The following GAB3 variants were observed in gnomAD, a reference collection of about 807,000 sequenced individuals.
GAB3 encodes GRB2-associated-binding protein 3.
A neutral mutation model predicts 40.4 loss-of-function variants in GAB3; 12 were observed. The ratio of observed to expected loss-of-function variants is 0.30; its 90% confidence interval spans 0.19 to 0.48. The LOEUF (loss-of-function observed/expected upper bound fraction) is 0.48. GAB3 is among the 20% of genes least tolerant of loss of function. The pLI is 0.99. For missense variants in GAB3, 381 were observed against 461.9 expected (o/e 0.82, Z 1.61); for synonymous variants, 154 against 176.7 (o/e 0.87, Z 1.02).
chrX:154,679,123 C>T, intron 9 of GAB3: 1 of 336,362 alleles, frequency 3.0e-6, no homozygotes, highest in South Asian at 2.6e-5. Flanking sequence ...TGCCACTGCA[C>T]TCCAGCCTGA....
At chrX:154,739,030 C>T (rs782009960) in intron 1 of GAB3, among the ~76,000 whole-genome samples, 5 of 111,953 alleles carry the variant, frequency 4.5e-5, no homozygotes, top group East Asian at 2.8e-4. Flanking sequence ...AAGATTGCTT[C>T]GGCAGATCCC....
chrX:154,748,171 G>GA (rs1168970041), intron 1 of GAB3, among the ~76,000 whole-genome samples: 2 of 112,339 alleles, frequency 1.8e-5, no homozygotes, highest in Non-Finnish European at 3.8e-5. Flanking sequence ...GTATTACAAG[G>GA]AATATTTGAC....
chrX:154,713,545 G>T, intron 2 of GAB3, 119 bp from the exon 3 acceptor site: 1 of 524,711 alleles, frequency 1.9e-6, no homozygotes. Context: ...TGTTTGTACT[G>T]ATGGAGAAGA....
chrX:154,693,187 A>G (rs2070599238), intron 8 of GAB3, among the ~76,000 whole-genome samples: 2 of 112,186 alleles, frequency 1.8e-5, no homozygotes, highest in African/African-American at 6.5e-5. Context: ...AGACAAACAC[A>G]AAAGGACAAA....
intron 8 of GAB3, among the ~76,000 whole-genome samples, chrX:154,687,811 A>G (rs1412202700): frequency 5.4e-5 from 6 of 111,866 alleles, no homozygotes; most frequent in Non-Finnish European, 1.1e-4. Flanking sequence ...CAAAGCTACA[A>G]TAATCAAGAC....
At chrX:154,700,189 C>G (rs2070720382) in intron 4 of GAB3, 130 bp from the exon 5 acceptor site, 1 of 464,223 alleles carries the variant, frequency 2.2e-6, no homozygotes, top group East Asian at 3.7e-5. Context: ...ACACATTTCC[C>G]CAACAGATGA....
At chrX:154,724,793 G>A (rs2071188200) in intron 1 of GAB3, among the ~76,000 whole-genome samples, 1 of 112,050 alleles carries the variant, frequency 8.9e-6, no homozygotes, top group African/African-American at 3.3e-5. Flanking sequence ...CCAACTTGCT[G>A]ATTACATAGT....
At chrX:154,687,644 A>G (rs1271352327) in intron 8 of GAB3, among the ~76,000 whole-genome samples, 1 of 109,205 alleles carries the variant, frequency 9.2e-6, no homozygotes. Flanking sequence ...AAAAAAAAAA[A>G]AAAAAAAAAA....
chrX:154,750,974 C>CG lies in GAB3; in HGVS notation c.51dup (p.Glu18ArgfsTer66). The CG allele has an allele frequency of 4.9e-6, 4 of 817,576 alleles. No homozygotes were observed. The highest frequency in any genetic ancestry group is 6.3e-5 in the Admixed American group (1 of 15,941). 67.4% of individuals were successfully genotyped at this position (817,576 alleles called of 1,213,427 possible). A position where few individuals can be genotyped will look rare whatever the true frequency, so the allele number is the denominator to read the frequency against. ...CTCACGTAGCGCTGTAGCTTCCTCT[C>CG]GGGGGGCGACTTAACGAGCCAGCCG... On this transcript the variant is annotated frameshift_variant, in exon 1 of 10. Transcript: ENST00000424127. LOFTEE classifies it high-confidence loss of function.
intron 4 of GAB3, among the ~76,000 whole-genome samples, chrX:154,709,005 G>A (rs1354672028): frequency 1.8e-5 from 2 of 111,561 alleles, no homozygotes; most frequent in Non-Finnish European, 3.8e-5. Flanking sequence ...AATTCCCAAT[G>A]TTGGAAGTAG....
At chrX:154,694,672 C>T (rs948297336) in intron 8 of GAB3, among the ~76,000 whole-genome samples, 84 of 112,392 alleles carry the variant, frequency 7.5e-4, no homozygotes, top group African/African-American at 2.6e-3. Context: ...GGATTACAGG[C>T]GTGAGCCACC....
intron 8 of GAB3, among the ~76,000 whole-genome samples, chrX:154,685,978 C>T (rs1008212310): frequency 8.1e-5 from 9 of 111,125 alleles, no homozygotes; most frequent in South Asian, 3.7e-4. Context: ...ATAATTCACC[C>T]GAGATCAAAT....
chrX:154,751,181 G>A (rs1385223445), upstream of GAB3: 17 of 436,295 alleles, frequency 3.9e-5, no homozygotes, highest in South Asian at 3.6e-4. Context: ...GCGGCCCCCG[G>A]GGAGGGAACC....
chrX:154,696,654 T>C (rs1557250824), intron 7 of GAB3, among the ~76,000 whole-genome samples: 1 of 112,481 alleles, frequency 8.9e-6, no homozygotes, highest in Non-Finnish European at 1.9e-5. Flanking sequence ...TCCCTTGTCC[T>C]ACCCCATTCA....
chrX:154,700,424 C>A (rs2070724502), intron 4 of GAB3, among the ~76,000 whole-genome samples: 1 of 111,108 alleles, frequency 9.0e-6, no homozygotes, highest in African/African-American at 3.3e-5. Context: ...CCTTGTGGAG[C>A]AGCATTAAGG....
Position 154,678,100 on chromosome X carries a change from CAAAAAA to C in GAB3, c.*72_*77del. The C allele has an allele frequency of 9.9e-6, 4 of 404,598 alleles. No individual in the cohort carries two copies. The highest frequency in any genetic ancestry group is 1.2e-5 in the Non-Finnish European group (3 of 242,708). 33.3% of individuals were successfully genotyped at this position (404,598 alleles called of 1,213,427 possible). A position where few individuals can be genotyped will look rare whatever the true frequency, so the allele number is the denominator to read the frequency against. ...TGACCATCAGTGTGTTTTTAGTGGA[CAAAAAA>C]AAAAAAAAAAGAAAAAACTCAAACT... is the stretch of plus-strand genomic sequence containing the variant. On this transcript the variant is annotated 3_prime_UTR_variant, in exon 10 of 10. Coordinates refer to ENST00000424127, the MANE Select transcript of GAB3 (RefSeq NM_001081573.3).
chrX:154,681,935 ATC>A (rs1490960317), intron 8 of GAB3, among the ~76,000 whole-genome samples: 2 of 111,833 alleles, frequency 1.8e-5, no homozygotes, highest in Non-Finnish European at 3.8e-5. Context: ...TTCCTCAAAA[ATC>A]TCTGTTAGGG....
At chrX:154,749,668 G>A (rs781940752) in intron 1 of GAB3, among the ~76,000 whole-genome samples, 1 of 112,265 alleles carries the variant, frequency 8.9e-6, no homozygotes, top group South Asian at 3.7e-4. Context: ...GTGCTAAATA[G>A]AACAACCTTC....
intron 1 of GAB3, among the ~76,000 whole-genome samples, chrX:154,744,163 G>A (rs914860447): frequency 2.5e-4 from 22 of 89,692 alleles, no homozygotes; most frequent in Non-Finnish European, 3.9e-4. Context: ...GCAGTGAGCC[G>A]AGATCGTGCC....
Sources: gnomAD v4.1 joint callset for allele counts (sites outside exome capture counted in the v4.1 genomes callset) on GRCh38, gnomAD v4.1.1 for gene constraint, MANE v1.5 for transcripts, NCBI Gene and HGNC (gene_info 2026-07-23, HGNC 2026-07-21) for gene names.